ERICH1: variants seen among roughly 807,000 people sequenced by gnomAD.
ERICH1 encodes glutamate-rich protein 1.
A neutral mutation model predicts 39.6 loss-of-function variants in ERICH1; 56 were observed. The ratio of observed to expected loss-of-function variants is 1.41; its 90% CI spans 1.14 to 1.77. ERICH1 has a LOEUF of 1.77. Among genes scored for constraint, ERICH1 ranks in the 40% most tolerant of loss-of-function variants. The pLI, the probability that ERICH1 is intolerant of heterozygous loss-of-function variation, is 0.00. For missense variants in ERICH1, 826 were observed against 575.4 expected, an observed-to-expected ratio of 1.44 and a Z score of -4.45; for synonymous variants, 313 against 223.6, an observed-to-expected ratio of 1.40 and a Z score of -3.57.
chr8:640,645 G>A (rs769614381), intron 3 of ERICH1: 1 of 152,212 alleles, frequency 6.6e-6, no homozygotes, highest in African/African-American at 2.4e-5. Context: ...GCGAGGATCT[G>A]GGCACGCCAG....
chr8:627,837 C>T (rs1797682063), intron 3 of ERICH1, among the ~76,000 whole-genome samples: 1 of 152,204 alleles, frequency 6.6e-6, no homozygotes, highest in African/African-American at 2.4e-5. Flanking sequence ...GTCTGACAGG[C>T]TGGGGAGCCC....
At chr8:707,566 C>T (rs1813596706) in intron 2 of ERICH1, among the ~76,000 whole-genome samples, 1 of 152,102 alleles carries the variant, frequency 6.6e-6, no homozygotes, top group Admixed American at 6.6e-5. Flanking sequence ...TCTTCCACAA[C>T]TGGTGTTAAG....
At chr8:647,376 G>C (rs1251876565) in intron 3 of ERICH1, among the ~76,000 whole-genome samples, 1 of 67,690 alleles carries the variant, frequency 1.5e-5, no homozygotes, top group African/African-American at 3.9e-5. Flanking sequence ...ATGGTGCACT[G>C]GCATGAGTTT....
intron 3 of ERICH1, among the ~76,000 whole-genome samples, chr8:635,477 G>A (rs1798355047): frequency 6.6e-6 from 1 of 152,146 alleles, no homozygotes; most frequent in South Asian, 2.1e-4. Flanking sequence ...CTGCACCAAC[G>A]CCCCACCCAG....
intron 2 of ERICH1, among the ~76,000 whole-genome samples, chr8:697,680 C>A (rs1036575624): frequency 1.1e-4 from 16 of 152,212 alleles, no homozygotes; most frequent in African/African-American, 3.6e-4. Context: ...CCTTGTGGAA[C>A]CACACAGCCC....
intron 4 of ERICH1, chr8:669,183 T>C (rs1426968251): frequency 6.4e-5 from 1 of 15,602 alleles, no homozygotes; most frequent in African/African-American, 3.5e-4. Flanking sequence ...ACGCCTCCCC[T>C]GGCCCGTCTA....
At chr8:693,986 T>G (rs984040020) in intron 2 of ERICH1, among the ~76,000 whole-genome samples, 3 of 143,434 alleles carry the variant, frequency 2.1e-5, no homozygotes, top group African/African-American at 7.6e-5. Context: ...GTCAGTTTAG[T>G]CTTCCTTTTT....
chr8:630,330 A>C (rs1669662), intron 3 of ERICH1, among the ~76,000 whole-genome samples: 19,977 of 37,296 alleles, frequency 0.54, 4,727 homozygotes, highest in Admixed American at 0.61. Context: ...CTGACTCACA[A>C]CCTCCCGTGA....
At chr8:661,073 T>C (rs1476654926), downstream of ERICH1, among the ~76,000 whole-genome samples, 2 of 152,158 alleles carry the variant, frequency 1.3e-5, no homozygotes, top group Non-Finnish European at 2.9e-5. Context: ...CAGTATCCTG[T>C]TGAATAAGTT....
chr8:717,883 G>A (rs552481535), intron 1 of ERICH1, among the ~76,000 whole-genome samples: 23 of 152,358 alleles, frequency 1.5e-4, no homozygotes, highest in Admixed American at 3.3e-4. Context: ...CCCAGGGACG[G>A]GGGCAGGCCA....
chr8:690,746 A>G (rs1205184021), intron 3 of ERICH1, among the ~76,000 whole-genome samples: 2 of 152,258 alleles, frequency 1.3e-5, no homozygotes, highest in Non-Finnish European at 2.9e-5. Flanking sequence ...CAGGCACAGC[A>G]AAGGCAAAAA....
intron 3 of ERICH1, among the ~76,000 whole-genome samples, chr8:628,888 C>T (rs138598119): frequency 6.8e-4 from 104 of 152,328 alleles, no homozygotes; most frequent in African/African-American, 2.5e-3. Context: ...CCTGCAAGCC[C>T]TTCCGCTCAC....
At chr8:631,276 C>T (rs1169179157) in intron 3 of ERICH1, among the ~76,000 whole-genome samples, 1 of 152,238 alleles carries the variant, frequency 6.6e-6, no homozygotes, top group African/African-American at 2.4e-5. Context: ...GCCCCCGTGC[C>T]CCTGCTCCAC....
chr8:657,694 C>T (rs760397554), intron 3 of ERICH1, among the ~76,000 whole-genome samples: 8 of 151,292 alleles, frequency 5.3e-5, no homozygotes, highest in Non-Finnish European at 7.4e-5. Flanking sequence ...ACGCCAGGGG[C>T]GCCCTTTTCA....
In ERICH1 at chr8:673,478, C is replaced by T. The variant is rs1563225314; in HGVS notation, c.874G>A (p.Asp292Asn). 1 of 1,611,356 alleles carries T rather than the reference C, an allele frequency of 6.2e-7. No homozygotes were observed. The highest frequency in any genetic ancestry group is 8.5e-7 in the Non-Finnish European group (1 of 1,179,814). ...TCCGCACCGTCCTCCTCCCTGGTGTCTTTACCGTCTTCCTCCCCGGCCCGT... is the reference window on the plus strand; with the variant it reads ...TCCGCACCGTCCTCCTCCCTGGTGTTTTTACCGTCTTCCTCCCCGGCCCGT... Reference protein sequence around the residue: ...LTRAGEEDGKDTREEDGADAS... With the variant: ...LTRAGEEDGKNTREEDGADAS... Residue 292 changes from aspartate to asparagine, a missense_variant, in exon 4 of 6, where the codon GAC (aspartate) becomes AAC (asparagine). Asp to Asn is a conservative substitution (Grantham distance 23, BLOSUM62 1). Coordinates refer to ENST00000262109, the MANE Select transcript of ERICH1 (RefSeq NM_207332.3).
At position 703,446 on chromosome 8, in the gene ERICH1, A is replaced by T. The variant is rs1395232270; in HGVS notation, c.170-10834T>A. 2.0e-5 allele frequency among the ~76,000 whole-genome samples: 3 copies of T among 152,146 alleles called. No homozygotes were observed. The East Asian group carries it at 5.8e-4, about 29-fold the overall frequency. ...GAGATCTGCTCCAGAGGGGCCGCCA[A>T]GGAGCCTGGAAGTGGGGAGAAAAAG... On this transcript the variant is annotated intron_variant, in intron 2 of 5. Coordinates refer to ENST00000262109, the MANE Select transcript of ERICH1 (RefSeq NM_207332.3).
intron 2 of ERICH1, among the ~76,000 whole-genome samples, chr8:705,297 T>C (rs907392098): frequency 6.6e-6 from 1 of 152,252 alleles, no homozygotes; most frequent in African/African-American, 2.4e-5. Flanking sequence ...GGACTCCTCC[T>C]GGACGTGCAT....
At chr8:622,333 G>C (rs1275937507) in intron 3 of ERICH1, among the ~76,000 whole-genome samples, 3 of 152,122 alleles carry the variant, frequency 2.0e-5, no homozygotes, top group African/African-American at 4.8e-5. Flanking sequence ...TTAGGAGGTG[G>C]GGCCTTTGGA....
At chr8:714,933 A>G (rs1355696529) in intron 2 of ERICH1, among the ~76,000 whole-genome samples, 133 of 113,174 alleles carry the variant, frequency 1.2e-3, no homozygotes, top group African/African-American at 1.7e-3. Context: ...GGTGGGATGT[A>G]CTCCACCCAG....
Sources: gnomAD v4.1 joint callset for allele counts (sites outside exome capture counted in the v4.1 genomes callset) on GRCh38, gnomAD v4.1.1 for gene constraint, MANE v1.5 for transcripts, NCBI Gene and HGNC (gene_info 2026-07-23, HGNC 2026-07-21) for gene names.